GRIN2A: variants seen among roughly 807,000 people sequenced by gnomAD.
The protein encoded by GRIN2A is glutamate ionotropic receptor NMDA type subunit 2A.
GRIN2A carries 22 observed loss-of-function variants against 113.4 expected under a neutral mutation model. The ratio of observed to expected loss-of-function variants is 0.19; its 90% CI spans 0.14 to 0.28. GRIN2A has a LOEUF of 0.28. Among genes scored for constraint, GRIN2A ranks in the 10% least tolerant of loss-of-function variants. The pLI, the probability that GRIN2A is intolerant of heterozygous loss-of-function variation, is 1.00. For synonymous variants in GRIN2A, 827 were observed against 738.4 expected, an observed-to-expected ratio of 1.12 and a Z score of -1.94; for missense variants, 1,502 against 1,887.0, an observed-to-expected ratio of 0.80 and a Z score of 3.78.
At chr16:9,885,092 T>C (rs960667668) in intron 4 of GRIN2A, among the ~76,000 whole-genome samples, 3 of 152,144 alleles carry the variant, frequency 2.0e-5, no homozygotes, top group Non-Finnish European at 4.4e-5. Flanking sequence ...GTAGCACTTA[T>C]AGCCATTTGT....
intron 10 of GRIN2A, among the ~76,000 whole-genome samples, chr16:9,812,947 G>C (rs942268532): frequency 6.6e-6 from 1 of 152,156 alleles, no homozygotes; most frequent in African/African-American, 2.4e-5. Context: ...CAAGCAAAAA[G>C]AAAACCATAA....
intron 2 of GRIN2A, among the ~76,000 whole-genome samples, chr16:9,969,177 G>C: frequency 6.6e-6 from 1 of 152,042 alleles, no homozygotes; most frequent in Non-Finnish European, 1.5e-5. Context: ...ACAGGTTTCT[G>C]TGGTCAAGGT....
At chr16:9,831,575 G>A (rs1238183424) in intron 8 of GRIN2A, among the ~76,000 whole-genome samples, 1 of 149,928 alleles carries the variant, frequency 6.7e-6, no homozygotes, top group African/African-American at 2.5e-5. Flanking sequence ...CAGTGCAGTG[G>A]CACAATCTCG....
chr16:9,776,723 A>C lies in GRIN2A; in HGVS notation c.2357-7634T>G, dbSNP rs531370578. Among the ~76,000 whole-genome samples, 566 of 151,936 alleles carry C rather than the reference A, an allele frequency of 3.7e-3. 2 individuals carry two copies. The highest frequency in any genetic ancestry group is 0.013 in the African/African-American group (537 of 41,402). On this transcript the variant is annotated intron_variant, in intron 11 of 12. Transcript: ENST00000330684. ...ATTCGGGTTCGCTGTGAACACCGAG[A>C]GGGTAACTGACCCCATTTCAATCCT...
intron 2 of GRIN2A, among the ~76,000 whole-genome samples, chr16:9,955,796 C>G (rs1200242862): frequency 6.6e-6 from 1 of 152,190 alleles, no homozygotes; most frequent in Non-Finnish European, 1.5e-5. Flanking sequence ...CTAAGTGCAT[C>G]AAGGCGAATG....
chr16:9,866,059 C>T (rs1444537376), intron 4 of GRIN2A, among the ~76,000 whole-genome samples: 2 of 152,176 alleles, frequency 1.3e-5, no homozygotes, highest in Admixed American at 1.3e-4. Flanking sequence ...CTAGCCAGCC[C>T]TTTACATAAA....
chr16:10,132,792 GTTTCCCAT>G lies in GRIN2A; in HGVS notation c.414+47198_414+47205del, dbSNP rs1167365061. On this transcript the variant is annotated intron_variant, in intron 2 of 12. Coordinates refer to ENST00000330684, the MANE Select transcript of GRIN2A (RefSeq NM_001134407.3). ...AGACCTGGCACTTAACAGATTATAA[GTTTCCCAT>G]TGCTGCTGTAACAAATTGCCATAAA... 2.6e-5 allele frequency among the ~76,000 whole-genome samples: 4 copies of G among 152,324 alleles called. No homozygotes were observed. In the East Asian group the frequency reaches 7.7e-4, roughly 29 times the overall value.
At chr16:10,009,386 G>A (rs1187219603) in intron 2 of GRIN2A, among the ~76,000 whole-genome samples, 1 of 152,178 alleles carries the variant, frequency 6.6e-6, no homozygotes, top group African/African-American at 2.4e-5. Flanking sequence ...GATGAAGTGA[G>A]GATTAGGAGC....
chr16:10,170,660 G>A (rs2050023005), intron 2 of GRIN2A, among the ~76,000 whole-genome samples: 1 of 152,166 alleles, frequency 6.6e-6, no homozygotes, highest in African/African-American at 2.4e-5. Context: ...AGGATTGCTT[G>A]AGTCCAGGAG....
intron 2 of GRIN2A, among the ~76,000 whole-genome samples, chr16:10,001,790 C>T (rs533128284): frequency 5.5e-4 from 84 of 152,184 alleles, no homozygotes; most frequent in African/African-American, 7.5e-4. Flanking sequence ...GGATATCCAA[C>T]GGGAAATTAT....
intron 2 of GRIN2A, among the ~76,000 whole-genome samples, chr16:10,090,103 G>T (rs2048158888): frequency 6.6e-6 from 1 of 152,042 alleles, no homozygotes; most frequent in Non-Finnish European, 1.5e-5. Context: ...AGGTGCTAAA[G>T]ACACAACGGT....
intron 10 of GRIN2A, among the ~76,000 whole-genome samples, chr16:9,813,287 A>G (rs994319552): frequency 6.6e-6 from 1 of 152,236 alleles, no homozygotes; most frequent in African/African-American, 2.4e-5. Flanking sequence ...ACAAATTTGC[A>G]TATGCACCGA....
intron 4 of GRIN2A, among the ~76,000 whole-genome samples, chr16:9,878,854 G>GAC (rs35475437): frequency 0.023 from 3,484 of 149,164 alleles, 49 homozygotes; most frequent in Non-Finnish European, 0.033. Context: ...ACCAGTGCAA[G>GAC]ACACACACAC....
chr16:10,048,117 T>A (rs1271406136), intron 2 of GRIN2A, among the ~76,000 whole-genome samples: 5 of 152,246 alleles, frequency 3.3e-5, no homozygotes, highest in Non-Finnish European at 2.9e-5. Context: ...TTAGAATCCC[T>A]TTTCAAACAT....
At chr16:9,945,291 G>A (rs1364809865) in intron 2 of GRIN2A, among the ~76,000 whole-genome samples, 3 of 152,158 alleles carry the variant, frequency 2.0e-5, no homozygotes, top group Non-Finnish European at 2.9e-5. Context: ...TGATCAAAAT[G>A]ATATGAAGAA....
chr16:10,147,280 A>T (rs1469290091), intron 2 of GRIN2A, among the ~76,000 whole-genome samples: 1 of 151,996 alleles, frequency 6.6e-6, no homozygotes, highest in East Asian at 1.9e-4. Context: ...AAAGACTGAG[A>T]AACCCTGCTA....
intron 2 of GRIN2A, among the ~76,000 whole-genome samples, chr16:10,011,906 T>C (rs2046512615): frequency 6.6e-6 from 1 of 152,168 alleles, no homozygotes; most frequent in South Asian, 2.1e-4. Context: ...TTTCACCCTA[T>C]AACTCTTGTC....
At chr16:9,816,456 T>C (rs2042187189) in intron 10 of GRIN2A, among the ~76,000 whole-genome samples, 1 of 152,180 alleles carries the variant, frequency 6.6e-6, no homozygotes, top group South Asian at 2.1e-4. Flanking sequence ...TTGGGACTTT[T>C]CCATAAATGT....
In GRIN2A at chr16:10,015,545, G is replaced by A. The variant is rs189877493; in HGVS notation, c.415-76994C>T. Among the ~76,000 whole-genome samples the A allele has an allele frequency of 7.9e-5, 12 of 152,122 alleles. No homozygotes were observed. The East Asian group carries it at 2.1e-3, about 27-fold the overall frequency. Reference sequence around the variant, plus strand: ...AAAAAGACTCCCTGATTCCGAATGCGCTTTAAATTTCTGAACATACTTACA... The same window carrying A: ...AAAAAGACTCCCTGATTCCGAATGCACTTTAAATTTCTGAACATACTTACA... On this transcript the variant is annotated intron_variant, in intron 2 of 12. Coordinates refer to ENST00000330684, the MANE Select transcript of GRIN2A (RefSeq NM_001134407.3).
Sources: gnomAD v4.1 joint callset for allele counts (sites outside exome capture counted in the v4.1 genomes callset) on GRCh38, gnomAD v4.1.1 for gene constraint, MANE v1.5 for transcripts, NCBI Gene and HGNC (gene_info 2026-07-23, HGNC 2026-07-21) for gene names.